The following CEMIP variants were observed in gnomAD, a reference collection of about 807,000 sequenced individuals.
CEMIP encodes cell migration-inducing and hyaluronan-binding protein.
CEMIP carries 105 observed loss-of-function variants against 156.9 expected under a neutral mutation model. The observed-to-expected ratio is 0.67, with a 90% CI of 0.57 to 0.79. The LOEUF is 0.79. Ranked by LOEUF, CEMIP falls within the 30% of genes least tolerant of loss-of-function variation. The probability of loss-of-function intolerance (pLI) is 0.00; values close to 1 mark genes in which losing one functional copy is unlikely to be tolerated. For missense variants in CEMIP, 1,457 were observed against 1,769.4 expected, an observed-to-expected ratio of 0.82 and a Z score of 3.17; for synonymous variants, 676 against 668.4, an observed-to-expected ratio of 1.01 and a Z score of -0.17.
At chr15:80,893,421 A>G (rs1030471479) in intron 10 of CEMIP, among the ~76,000 whole-genome samples, 1 of 152,204 alleles carries the variant, frequency 6.6e-6, no homozygotes, top group African/African-American at 2.4e-5. Flanking sequence ...AGCAGAATTG[A>G]GTAGATGTTC....
chr15:80,842,188 T>G, intron 1 of CEMIP: 2 of 421,128 alleles, frequency 4.7e-6, no homozygotes, highest in Non-Finnish European at 9.5e-6. Context: ...TTTTCATCTT[T>G]TACCTATTCT....
At chr15:80,864,467 G>C (rs1898068457) in intron 1 of CEMIP, among the ~76,000 whole-genome samples, 1 of 152,216 alleles carries the variant, frequency 6.6e-6, no homozygotes, top group South Asian at 2.1e-4. Flanking sequence ...TCACTGCCCG[G>C]GAGGCAACCC....
At position 80,937,945 on chromosome 15, in the gene CEMIP, G is replaced by T; in HGVS notation, c.3373G>T (p.Gly1125Cys). ...QMDKVEQSYP[G>C]RSHYYWDEDS... ...GGACAAAGTGGAGCAGAGCTACCCT[G>T]GCAGGAGCCACTACTACTGGGACGA... The change falls in exon 25 of 30, where the codon GGC (glycine) becomes TGC (cysteine). Residue 1125 changes from glycine to cysteine, a missense_variant. Gly to Cys is a radical substitution (Grantham distance 159). Coordinates refer to ENST00000394685, the MANE Select transcript of CEMIP (RefSeq NM_001293298.2). 2 of 1,614,152 alleles carry T rather than the reference G, an allele frequency of 1.2e-6. No homozygotes were observed. The highest frequency in any genetic ancestry group is 1.7e-6 in the Non-Finnish European group (2 of 1,180,014).
Position 80,888,812 on chromosome 15 carries a change from C to T in CEMIP, c.964+16C>T, listed in dbSNP as rs370075183. ...TGGGTTCAAGGTGAGGAGTTTCAGA[C>T]AATTTGGTGACACCTAACAGTGGGA... On this transcript the variant is annotated intron_variant, in intron 9 of 29. Coordinates refer to ENST00000394685, the MANE Select transcript of CEMIP (RefSeq NM_001293298.2). 32 of 1,598,714 alleles carry T rather than the reference C, an allele frequency of 2.0e-5. No individual in the cohort carries two copies. The African/African-American group carries it at 4.3e-4, about 21-fold the overall frequency.
chr15:80,853,162 GAA>G (rs1050795463), intron 1 of CEMIP, among the ~76,000 whole-genome samples: 2 of 152,160 alleles, frequency 1.3e-5, no homozygotes, highest in Non-Finnish European at 2.9e-5. Flanking sequence ...GACCCTGGGA[GAA>G]AAAAGTCAGA....
At chr15:80,892,686 G>A (rs1443544624) in intron 10 of CEMIP, among the ~76,000 whole-genome samples, 2 of 152,210 alleles carry the variant, frequency 1.3e-5, no homozygotes, top group Admixed American at 6.5e-5. Context: ...TCCCTCCAGC[G>A]CCAACTCTGC....
rs939201805 is a variant in CEMIP, at chr15:80,950,395, C to T, written c.*1471C>T. 6.6e-6 allele frequency: 1 copy of T among 152,264 alleles called. No homozygotes were observed. The highest frequency in any genetic ancestry group is 1.5e-5 in the Non-Finnish European group (1 of 68,076). The allele number at this position is 152,264 out of a possible 1,614,324, so 9.4% of individuals were successfully genotyped here. ...TTCTGGAAATGGGGACAAGTCCCCTCGAAGGAAAGGAAATGACTAGAGTAG... is the reference window on the plus strand; with the variant it reads ...TTCTGGAAATGGGGACAAGTCCCCTTGAAGGAAAGGAAATGACTAGAGTAG... On this transcript the variant is annotated 3_prime_UTR_variant, in exon 30 of 30. Coordinates refer to ENST00000394685, the MANE Select transcript of CEMIP (RefSeq NM_001293298.2).
chr15:80,801,011 G>A (rs990385262), intron 1 of CEMIP, among the ~76,000 whole-genome samples: 3 of 152,148 alleles, frequency 2.0e-5, no homozygotes, highest in Non-Finnish European at 4.4e-5. Context: ...GATTGTTATG[G>A]TCCTGTTGAT....
rs370949995 is a variant in CEMIP at position 80,794,719 on chromosome 15, C to T, written c.-176+15105C>T. Among the ~76,000 whole-genome samples the T allele has an allele frequency of 6.0e-4, 91 of 152,192 alleles. No individual in the cohort carries two copies. The South Asian group carries it at 0.018, about 30-fold the overall frequency. On this transcript the variant is annotated intron_variant, in intron 1 of 29. Coordinates refer to ENST00000394685, the MANE Select transcript of CEMIP (RefSeq NM_001293298.2). ...CTCAATTCGGACCTGCCATGTTTCC[C>T]GTGCTTAATAGCCACAGGCGGCTAG... is the stretch of plus-strand genomic sequence containing the variant.
chr15:80,922,861 C>T (rs1217645131), intron 17 of CEMIP, among the ~76,000 whole-genome samples: 2 of 152,058 alleles, frequency 1.3e-5, no homozygotes, highest in Admixed American at 6.6e-5. Flanking sequence ...ATGGCTGAGA[C>T]CAGAGACGCT....
intron 1 of CEMIP, among the ~76,000 whole-genome samples, chr15:80,822,705 C>T (rs1414923040): frequency 6.6e-6 from 1 of 152,170 alleles, no homozygotes; most frequent in Non-Finnish European, 1.5e-5. Flanking sequence ...TTCGTAGGAC[C>T]AAGCACAGCT....
intron 12 of CEMIP, among the ~76,000 whole-genome samples, chr15:80,903,607 C>T (rs954238824): frequency 2.0e-5 from 3 of 152,262 alleles, no homozygotes; most frequent in Middle Eastern, 3.4e-3. Context: ...GACTGGTAAA[C>T]GGGGAGCTGA....
intron 14 of CEMIP, among the ~76,000 whole-genome samples, chr15:80,912,031 G>GGCTGGGAGA (rs1355168349): frequency 1.3e-5 from 2 of 151,972 alleles, no homozygotes; most frequent in Non-Finnish European, 1.5e-5. Context: ...GGCTGGGAGA[G>GGCTGGGAGA]GCTGGGAGAG....
chr15:80,920,065 G>A (rs1414898621), intron 14 of CEMIP, 29 bp from the exon 15 acceptor site: 2 of 1,610,610 alleles, frequency 1.2e-6, no homozygotes, highest in African/African-American at 2.7e-5. Context: ...TGGATGCTTG[G>A]TGAAACACCC....
chr15:80,865,516 G>A (rs4505263), intron 1 of CEMIP, among the ~76,000 whole-genome samples: 149,207 of 152,292 alleles, frequency 0.98, 73,164 homozygotes, highest in Middle Eastern at 1. Context: ...AATTATAATT[G>A]AATTTAAATT....
intron 1 of CEMIP, among the ~76,000 whole-genome samples, chr15:80,840,678 G>A (rs1019834134): frequency 7.9e-5 from 12 of 152,308 alleles, no homozygotes; most frequent in East Asian, 3.9e-4. Context: ...GTGGGAGGCC[G>A]GCCCTGGGCC....
At chr15:80,811,211 A>C (rs1054864062) in intron 1 of CEMIP, among the ~76,000 whole-genome samples, 2 of 152,326 alleles carry the variant, frequency 1.3e-5, no homozygotes, top group East Asian at 3.9e-4. Flanking sequence ...TCGGGTAGGA[A>C]ATCTGGAAAT....
intron 1 of CEMIP, among the ~76,000 whole-genome samples, chr15:80,818,865 C>G (rs1439961201): frequency 1.3e-5 from 2 of 152,182 alleles, no homozygotes; most frequent in African/African-American, 4.8e-5. Flanking sequence ...CTTAATCAAT[C>G]GCATCGCTCA....
chr15:80,949,208 T>G lies in CEMIP; in HGVS notation c.*284T>G, dbSNP rs975678426. The G allele has an allele frequency of 6.5e-6, 3 of 461,858 alleles. No individual in the cohort carries two copies. The highest frequency in any genetic ancestry group is 2.0e-5 in the African/African-American group (1 of 50,402). The allele number at this position is 461,858 out of a possible 1,614,324, so 28.6% of individuals were successfully genotyped here. ...TTCTCTCCTATCTGTGCCTCTTCAG[T>G]GGGGGTTTGGGGACCATATCAGGAG... is the stretch of plus-strand genomic sequence containing the variant. On this transcript the variant is annotated 3_prime_UTR_variant, in exon 30 of 30. Coordinates refer to ENST00000394685, the MANE Select transcript of CEMIP (RefSeq NM_001293298.2).
Sources: allele counts gnomAD v4.1 joint callset (sites outside exome capture counted in the v4.1 genomes callset), GRCh38; gene constraint gnomAD v4.1.1; transcripts MANE v1.5; gene names NCBI Gene and HGNC (gene_info 2026-07-23, HGNC 2026-07-21).